The following DVL2 variants were observed in gnomAD, a reference collection of about 807,000 sequenced individuals.
DVL2 encodes the protein segment polarity protein dishevelled homolog DVL-2.
Under a neutral mutation model 69.8 loss-of-function variants are expected in DVL2, and 38 were observed. The observed-to-expected ratio is 0.54, with a 90% CI of 0.42 to 0.71. The LOEUF is 0.71. Among genes scored for constraint, DVL2 ranks in the 30% least tolerant of loss-of-function variants. DVL2 has a pLI of 0.00. For missense variants in DVL2, 931 were observed against 1,008.1 expected (o/e 0.92, Z 1.04); for synonymous variants, 428 against 392.4 (o/e 1.09, Z -1.07).
chr17:7,233,087 C>CAAAAAAAAAAA lies in DVL2; in HGVS notation c.194+971_194+981dup, dbSNP rs59984818. 1.4e-3 allele frequency among the ~76,000 whole-genome samples: 51 copies of CAAAAAAAAAAA among 36,290 alleles called. 3 individuals carry two copies. Among genetic ancestry groups the CAAAAAAAAAAA allele is most frequent in the African/African-American group, 1.9e-3 (23 of 12,266 alleles). 23.8% of individuals were successfully genotyped at this position (36,290 alleles called of 152,430 possible). A position where few individuals can be genotyped will look rare whatever the true frequency, so the allele number is the denominator to read the frequency against. On this transcript the variant is annotated intron_variant, in intron 1 of 14. Coordinates refer to ENST00000005340, the MANE Select transcript of DVL2 (RefSeq NM_004422.3). ...CCTGGGCGACAGAGCGAGACTGTCT[C>CAAAAAAAAAAA]AAAAAAAAAAAAAAAAAAAAGCAGA...
In DVL2 at chr17:7,229,374, A is replaced by G; in HGVS notation, c.817+4T>C. ...CACGCCCTAGCCACAGGCTCTCCCC[A>G]TACCCATGTTTAGCGTGACTGTGAT... is the stretch of plus-strand genomic sequence containing the variant. On this transcript the variant is annotated splice_donor_region_variant and intron_variant, in intron 7 of 14. Transcript: ENST00000005340. The surrounding 1 kb of genome is among the most constrained non-coding windows in gnomAD (Gnocchi z 4.4). 6 of 1,613,840 alleles carry G rather than the reference A, an allele frequency of 3.7e-6. No individual in the cohort carries two copies. The highest frequency in any genetic ancestry group is 5.1e-6 in the Non-Finnish European group (6 of 1,179,986).
Position 7,228,000 on chromosome 17 carries a change from T to G in DVL2, c.1079A>C (p.Gln360Pro). ...ACTTCGGGGGAGAGTGAAATAGGCC[T>G]GAGGAGAGGGATCCCAGCACTTGGC... ...TVAKCWDPSP[Q>P]AYFTLPRNEP... is the part of the protein sequence containing the mutation. Residue 360 changes from glutamine to proline, a missense_variant, in exon 10 of 15, where the codon CAG (glutamine) becomes CCG (proline). Gln to Pro is a moderately conservative substitution (Grantham distance 76). This residue lies in a region of DVL2 where 555 missense variants were observed against 588.8 expected (regional missense o/e 0.94). Transcript: ENST00000005340. The G allele has an allele frequency of 6.4e-7, 1 of 1,561,190 alleles. No individual in the cohort carries two copies. Among genetic ancestry groups the G allele is most frequent in the Non-Finnish European group, 8.7e-7 (1 of 1,154,870 alleles).
chr17:7,227,629 T>A lies in DVL2; in HGVS notation c.1231+26A>T, dbSNP rs545589657. 1.1e-5 allele frequency: 18 copies of A among 1,613,654 alleles called. No homozygotes were observed. The South Asian group carries it at 2.0e-4, about 18-fold the overall frequency. On this transcript the variant is annotated intron_variant, in intron 11 of 14. Coordinates refer to ENST00000005340, the MANE Select transcript of DVL2 (RefSeq NM_004422.3). The stretch of plus-strand genomic sequence containing the variant: ...GCGGGACAGCCTTCTGCTGGGAGGG[T>A]GGGATGAGGTGGGCTGGCGGCTCAC...
chr17:7,229,794 G>C lies in DVL2; in HGVS notation c.656+14C>G, dbSNP rs1482110781. On this transcript the variant is annotated intron_variant, in intron 5 of 14. Transcript: ENST00000005340. This position sits in a 1 kb window ranked among gnomAD's most constrained non-coding sequence, Gnocchi z 4.4. Reference sequence around the variant, plus strand: ...GGGGCTGGGTGCGCTGGGGAGAGCTGTGCGGAGCCACACCTGCTCATGGTG... The same window carrying C: ...GGGGCTGGGTGCGCTGGGGAGAGCTCTGCGGAGCCACACCTGCTCATGGTG... 1 of 1,609,932 alleles carries C rather than the reference G, an allele frequency of 6.2e-7. No homozygotes were observed.
intron 9 of DVL2, 116 bp downstream of exon 9, chr17:7,228,853 T>C (rs2071497585): frequency 9.4e-7 from 1 of 1,067,072 alleles, no homozygotes; most frequent in Admixed American, 2.0e-5. Flanking sequence ...AAGTGCTGGG[T>C]TTACAGGCTC....
chr17:7,226,725 T>C, intron 13 of DVL2, 86 bp from the exon 14 acceptor site: 3 of 1,105,586 alleles, frequency 2.7e-6, no homozygotes, highest in South Asian at 3.5e-5. Flanking sequence ...CTGGGAACAG[T>C]TCTCCCAGAC....
intron 13 of DVL2, 120 bp downstream of exon 13, chr17:7,226,970 C>G: frequency 2.0e-6 from 2 of 1,014,674 alleles, no homozygotes. Context: ...TAGTGCGGGA[C>G]ACACACTGCT....
chr17:7,230,645 G>T, intron 2 of DVL2, 83 bp downstream of exon 2: 1 of 1,451,124 alleles, frequency 6.9e-7, no homozygotes, highest in Non-Finnish European at 9.5e-7. Flanking sequence ...CGCGCGGCCT[G>T]GGGAGGATAC....
At position 7,225,827 on chromosome 17, in the gene DVL2, C is replaced by A; in HGVS notation, c.*38G>T. On this transcript the variant is annotated 3_prime_UTR_variant, in exon 15 of 15. Coordinates refer to ENST00000005340, the MANE Select transcript of DVL2 (RefSeq NM_004422.3). The stretch of plus-strand genomic sequence containing the variant: ...ATGACGGCCAGGACACCCAGTCACA[C>A]ACCAGGAGCGCCCGGCCCAGCCTGG... The A allele has an allele frequency of 6.3e-7, 1 of 1,580,940 alleles. No individual in the cohort carries two copies. Among genetic ancestry groups the A allele is most frequent in the Non-Finnish European group, 8.7e-7 (1 of 1,151,698 alleles).
chr17:7,230,110 T>A lies in DVL2; in HGVS notation c.456A>T (p.Glu152Asp). The change falls in exon 4 of 15, where the codon GAA becomes GAT. Residue 152 changes from glutamate to aspartate, a missense_variant. Transcript: ENST00000005340. ...SSHENLEPET[E>D]TESVVSLRRE... ...GCCTCAGTGACACTACTGACTCGGT[T>A]TCTGTCTCAGGCTCCAGATTCTCAT... The A allele has an allele frequency of 1.9e-6, 3 of 1,614,194 alleles. No homozygotes were observed. The South Asian group carries it at 3.3e-5, about 18-fold the overall frequency.
At position 7,226,273 on chromosome 17, in the gene DVL2, T is replaced by C. The variant is rs2142991836; in HGVS notation, c.1803A>G (p.Ala601=). ...SSGSTRSDGG[A]GRTGRPEERA... ...GCTCCTCGGGCCTCCCCGTGCGCCC[T>C]GCCCCCCCATCACTCCGTGTCGACC... is the stretch of plus-strand genomic sequence containing the variant. The change falls in exon 15 of 15, where the codon GCA becomes GCG. Residue 601 remains alanine, a synonymous_variant. Coordinates refer to ENST00000005340, the MANE Select transcript of DVL2 (RefSeq NM_004422.3). The C allele has an allele frequency of 6.3e-7, 1 of 1,596,360 alleles. No homozygotes were observed. The highest frequency in any genetic ancestry group is 8.5e-7 in the Non-Finnish European group (1 of 1,172,852).
chr17:7,230,404 G>A lies in DVL2; in HGVS notation c.291C>T (p.Pro97=), dbSNP rs147259391. The A allele has an allele frequency of 1.9e-5, 31 of 1,614,042 alleles. No homozygotes were observed. The highest frequency in any genetic ancestry group is 6.7e-5 in the Admixed American group (4 of 60,006). The part of the protein sequence containing the change: ...SWLVSSDNPQ[P]EMAPPVHEPR... ...GCTCATGGACTGGAGGGGCCATCTC[G>A]GGTTGGGGATTATCTGAGGACACCA... The change falls in exon 3 of 15, where the codon CCC becomes CCT. Residue 97 remains proline, a synonymous_variant. Coordinates refer to ENST00000005340, the MANE Select transcript of DVL2 (RefSeq NM_004422.3).
rs768424932 is a variant in DVL2 at position 7,229,836 on chromosome 17, C to T, written c.628G>A (p.Asp210Asn). 3 of 1,612,376 alleles carry T rather than the reference C, an allele frequency of 1.9e-6. No individual in the cohort carries two copies. Among genetic ancestry groups the T allele is most frequent in the Admixed American group, 3.3e-5 (2 of 59,998 alleles). Residue 210 changes from aspartate (D) to asparagine (N), a missense_variant, in exon 5 of 15, where the codon GAC becomes AAC. Physicochemically the swap from Asp to Asn is conservative, Grantham distance 23. Transcript: ENST00000005340. This position sits in a 1 kb window ranked among gnomAD's most constrained non-coding sequence, Gnocchi z 4.4. Reference sequence around the variant, plus strand: ...CTCATGGTGTCCTCCTCGTCCGAGTCCCCCAGGCTGGTACTCTCCAGCTCG... The same window carrying T: ...CTCATGGTGTCCTCCTCGTCCGAGTTCCCCAGGCTGGTACTCTCCAGCTCG... ...TSELESTSLG[D>N]SDEEDTMSRF...
chr17:7,228,973 G>A lies in DVL2; in HGVS notation c.1030C>T (p.Pro344Ser). 6.2e-7 allele frequency: 1 copy of A among 1,614,046 alleles called. No individual in the cohort carries two copies. Among genetic ancestry groups the A allele is most frequent in the Admixed American group, 1.7e-5 (1 of 60,026 alleles). ...VRVLRDIVHKPGPIVLTVAKC... is the reference protein window; with the variant it reads ...VRVLRDIVHKSGPIVLTVAKC... ...GCAACCTGCTTGGCAACTCACCCAG[G>A]CTTGTGCACAATGTCCCTCAGCACC... is the stretch of plus-strand genomic sequence containing the variant. Residue 344 changes from proline (P) to serine (S), a missense_variant, in exon 9 of 15, where the codon CCT becomes TCT. Around this residue, in one of 3 missense-constraint regions of DVL2, gnomAD observed 555 missense variants for 588.8 expected, o/e 0.94. Coordinates refer to ENST00000005340, the MANE Select transcript of DVL2 (RefSeq NM_004422.3).
chr17:7,226,197 G>A lies in DVL2; in HGVS notation c.1879C>T (p.Arg627Ter), dbSNP rs902612186. ...CCACCCCGCCGAAGGCTGCCCCCTC[G>A]GCTGGAGGGCTCAGACTCACTGCCA... ...GSGSESEPSS[R>*]GGSLRRGGEA... Residue 627 changes from arginine (R) to a stop codon, truncating the protein, a stop_gained, in exon 15 of 15, where the codon CGA becomes TGA. Coordinates refer to ENST00000005340, the MANE Select transcript of DVL2 (RefSeq NM_004422.3). LOFTEE classifies it high-confidence loss of function. The A allele has an allele frequency of 1.6e-5, 25 of 1,612,240 alleles. No individual in the cohort carries two copies. The highest frequency in any genetic ancestry group is 4.5e-5 in the East Asian group (2 of 44,872).
chr17:7,230,651 G>T, intron 2 of DVL2, 77 bp downstream of exon 2: 4 of 1,474,474 alleles, frequency 2.7e-6, no homozygotes, highest in South Asian at 1.2e-5. Context: ...GCCTGGGGAG[G>T]ATACAGAAAC....
chr17:7,227,351 T>C, intron 12 of DVL2, 53 bp downstream of exon 12: 2 of 1,604,932 alleles, frequency 1.2e-6, no homozygotes, highest in African/African-American at 1.3e-5. Context: ...ATTCCTGGCT[T>C]TGGTCACCAC....
Position 7,228,640 on chromosome 17 carries a change from G to C in DVL2, c.1034+329C>G, listed in dbSNP as rs2142992676. ...CTGTCGCCCAGGCTGGAGTGCAGTG[G>C]CGTGATCTCGTTTCACTGCAACCTC... is the stretch of plus-strand genomic sequence containing the variant. On this transcript the variant is annotated intron_variant, in intron 9 of 14. Transcript: ENST00000005340. 6.5e-6 allele frequency: 2 copies of C among 306,324 alleles called. 1 individual carries two copies. The highest frequency in any genetic ancestry group is 1.5e-4 in the East Asian group (2 of 13,238). 19.0% of individuals were successfully genotyped at this position (306,324 alleles called of 1,614,324 possible).
intron 1 of DVL2, among the ~76,000 whole-genome samples, chr17:7,231,872 A>AC (rs2071547709): frequency 6.6e-6 from 1 of 151,712 alleles, no homozygotes; most frequent in Non-Finnish European, 1.5e-5. Context: ...AAAAAAAAAA[A>AC]AAAAAAAAAA....
Sources: gnomAD v4.1 joint callset for allele counts (sites outside exome capture counted in the v4.1 genomes callset) on GRCh38, gnomAD v4.1.1 for gene constraint, gnomAD v4.1.1 regional missense constraint, Gnocchi (gnomAD v3.1) non-coding constraint, MANE v1.5 for transcripts, NCBI Gene and HGNC (gene_info 2026-07-23, HGNC 2026-07-21) for gene names.